TJP1: variants seen among roughly 807,000 people sequenced by gnomAD.
The protein encoded by TJP1 is tight junction protein ZO-1.
A neutral mutation model predicts 194.2 loss-of-function variants in TJP1; 43 were observed. The observed-to-expected ratio is 0.22, with a 90% confidence interval of 0.17 to 0.29. The LOEUF (loss-of-function observed/expected upper bound fraction) is 0.29, where lower values mean the gene tolerates loss of function less well. Ranked by LOEUF, TJP1 falls within the 10% of genes least tolerant of loss-of-function variation. The probability of loss-of-function intolerance (pLI) is 1.00; values close to 1 mark genes in which losing one functional copy is unlikely to be tolerated. For synonymous variants in TJP1, 801 were observed against 779.0 expected (o/e 1.03, Z -0.47); for missense variants, 1,971 against 2,185.7 (o/e 0.90, Z 1.96).
In TJP1 at chr15:29,705,610, G is replaced by A; in HGVS notation, c.4986C>T (p.Ala1662=). 6.2e-7 allele frequency: 1 copy of A among 1,614,222 alleles called. No individual in the cohort carries two copies. Residue 1662 remains alanine, a synonymous_variant, in exon 26 of 28, where the codon GCC becomes GCT. Transcript: ENST00000614355. ...TTTCCTGCTCAACTCCTTCGGGAAT[G>A]GCTCCTTGAGGGATAATTATACTAA... ...TGVSIIIPQG[A]IPEGVEQEIY... is the part of the protein sequence containing the mutation.
At chr15:29,700,025 C>T, downstream of TJP1, 1 of 337,542 alleles carries the variant, frequency 3.0e-6, no homozygotes. Flanking sequence ...AGAAATTCTG[C>T]ATGCAACACC....
At chr15:29,938,857 T>C (rs1338741488) in intron 2 of TJP1, among the ~76,000 whole-genome samples, 2 of 152,232 alleles carry the variant, frequency 1.3e-5, no homozygotes, top group Non-Finnish European at 2.9e-5. Context: ...CAAACAGGAC[T>C]TGGCAACGCT....
At chr15:29,736,148 T>G (rs1305706517) in intron 11 of TJP1, among the ~76,000 whole-genome samples, 2 of 152,148 alleles carry the variant, frequency 1.3e-5, no homozygotes, top group Non-Finnish European at 2.9e-5. Flanking sequence ...AAATGAGGCT[T>G]GAGGATGACA....
chr15:29,701,910 C>T (rs1240901975), intron 27 of TJP1, among the ~76,000 whole-genome samples: 3 of 152,130 alleles, frequency 2.0e-5, no homozygotes, highest in Non-Finnish European at 2.9e-5. Context: ...TTTTTTAAAA[C>T]GTTCTTTCTA....
intron 3 of TJP1, among the ~76,000 whole-genome samples, chr15:29,772,682 CA>C (rs1010968178): frequency 7.0e-4 from 106 of 152,250 alleles, no homozygotes; most frequent in African/African-American, 2.4e-3. Context: ...AGGAGTTATA[CA>C]TTTTCTTTTT....
chr15:29,926,666 C>A (rs141806573), intron 2 of TJP1, among the ~76,000 whole-genome samples: 5 of 151,112 alleles, frequency 3.3e-5, no homozygotes, highest in Non-Finnish European at 5.9e-5. Context: ...ATATGTGTGA[C>A]GGACAATGAC....
intron 2 of TJP1, among the ~76,000 whole-genome samples, chr15:29,903,696 G>T (rs369785412): frequency 6.6e-6 from 1 of 152,022 alleles, no homozygotes; most frequent in Non-Finnish European, 1.5e-5. Flanking sequence ...CGCCCGCCTC[G>T]GCCTCCCAAA....
At chr15:29,847,784 C>T (rs2051476061) in intron 2 of TJP1, among the ~76,000 whole-genome samples, 2 of 151,196 alleles carry the variant, frequency 1.3e-5, no homozygotes, top group African/African-American at 4.9e-5. Flanking sequence ...GACTCTGTCT[C>T]AAAAAAATAA....
chr15:29,889,261 CTA>C (rs1452236336), intron 2 of TJP1, among the ~76,000 whole-genome samples: 6 of 152,142 alleles, frequency 3.9e-5, no homozygotes, highest in African/African-American at 1.2e-4. Context: ...AATAAAACTG[CTA>C]TGTTTGAGAT....
At chr15:29,877,360 A>G (rs1229441563) in intron 2 of TJP1, among the ~76,000 whole-genome samples, 2 of 152,030 alleles carry the variant, frequency 1.3e-5, no homozygotes, top group African/African-American at 4.8e-5. Context: ...GCGACTGCAG[A>G]TGTGCACCAC....
chr15:29,737,200 T>C, intron 11 of TJP1, 64 bp downstream of exon 11: 1 of 1,572,328 alleles, frequency 6.4e-7, no homozygotes, highest in Admixed American at 1.7e-5. Context: ...AAGCTTGTTG[T>C]TTGATACCTT....
At chr15:29,813,516 A>C (rs929750549) in intron 1 of TJP1, among the ~76,000 whole-genome samples, 1 of 152,176 alleles carries the variant, frequency 6.6e-6, no homozygotes, top group Non-Finnish European at 1.5e-5. Context: ...CCACAACATA[A>C]TCTTACAAAC....
chr15:29,760,201 T>G, intron 8 of TJP1: 1 of 702,242 alleles, frequency 1.4e-6, no homozygotes, highest in Non-Finnish European at 2.6e-6. Flanking sequence ...TATAGAGCCT[T>G]GGGAGTCTCC....
intron 26 of TJP1, 143 bp from the exon 27 acceptor site, chr15:29,704,448 G>GT (rs780710986): frequency 1.7e-5 from 15 of 905,354 alleles, no homozygotes; most frequent in East Asian, 1.1e-4. Flanking sequence ...ACAAAAAAAC[G>GT]TAACAGCAGC....
intron 2 of TJP1, among the ~76,000 whole-genome samples, chr15:29,889,618 C>T (rs2053237928): frequency 6.6e-6 from 1 of 152,172 alleles, no homozygotes; most frequent in Admixed American, 6.5e-5. Context: ...ATTAACTCAC[C>T]CCAACCTCTC....
chr15:29,760,686 G>A (rs1468108774), intron 8 of TJP1, among the ~76,000 whole-genome samples: 2 of 152,058 alleles, frequency 1.3e-5, no homozygotes, highest in East Asian at 3.9e-4. Flanking sequence ...CAACACTAGT[G>A]TATTTTTAAA....
chr15:29,787,633 G>T (rs2151784090), intron 2 of TJP1, among the ~76,000 whole-genome samples: 1 of 152,216 alleles, frequency 6.6e-6, no homozygotes, highest in Non-Finnish European at 1.5e-5. Flanking sequence ...CTTTCAGTTA[G>T]CATAATGTTT....
At chr15:29,725,679 AGACT>A (rs936776681) in intron 18 of TJP1, among the ~76,000 whole-genome samples, 95 of 152,330 alleles carry the variant, frequency 6.2e-4, no homozygotes, top group African/African-American at 2.2e-3. Flanking sequence ...AAAACCAGAA[AGACT>A]GACAATAGAA....
intron 2 of TJP1, among the ~76,000 whole-genome samples, chr15:29,784,625 A>G (rs1025402836): frequency 2.6e-5 from 4 of 152,098 alleles, no homozygotes; most frequent in African/African-American, 9.7e-5. Context: ...TATTCAACAC[A>G]ACTGACCTTC....
Sources: gnomAD v4.1 joint callset for allele counts (sites outside exome capture counted in the v4.1 genomes callset) on GRCh38, gnomAD v4.1.1 for gene constraint, MANE v1.5 for transcripts, NCBI Gene and HGNC (gene_info 2026-07-23, HGNC 2026-07-21) for gene names.